Variants in SCN1A observed in about 807,000 individuals in gnomAD.
SCN1A encodes the protein sodium voltage-gated channel alpha subunit 1, also known as sodium channel protein type 1 subunit alpha.
A neutral mutation model predicts 193.7 loss-of-function variants in SCN1A; 13 were observed. The ratio of observed to expected loss-of-function variants is 0.07; its 90% CI spans 0.04 to 0.11. SCN1A has a LOEUF of 0.11. Among genes scored for constraint, SCN1A ranks in the 10% least tolerant of loss-of-function variants. SCN1A has a pLI of 1.00. For synonymous variants in SCN1A, 781 were observed against 843.6 expected, an observed-to-expected ratio of 0.93 and a Z score of 1.29; for missense variants, 1,432 against 2,451.1, an observed-to-expected ratio of 0.58 and a Z score of 8.78.
chr2:166,000,950 C>G (rs523119), intron 24 of SCN1A, among the ~76,000 whole-genome samples: 39,724 of 149,984 alleles, frequency 0.26, 5,575 homozygotes, highest in Middle Eastern at 0.48. Flanking sequence ...AGGACCATCA[C>G]TGTATTTTCA....
At chr2:166,047,204 AG>A (rs1697948498) in intron 11 of SCN1A, among the ~76,000 whole-genome samples, 1 of 152,174 alleles carries the variant, frequency 6.6e-6, no homozygotes, top group Non-Finnish European at 1.5e-5. Flanking sequence ...GTATTCACCA[AG>A]AATGAAACAG....
At chr2:166,093,240 A>C (rs113678764) in intron 2 of SCN1A, among the ~76,000 whole-genome samples, 177 of 152,088 alleles carry the variant, frequency 1.2e-3, no homozygotes, top group African/African-American at 4.1e-3. Context: ...ATTCAGAAAG[A>C]ATGTAGGCTG....
At chr2:165,994,504 A>G in intron 27 of SCN1A, 88 bp from the exon 28 acceptor site, 4 of 1,282,656 alleles carry the variant, frequency 3.1e-6, no homozygotes, top group Non-Finnish European at 4.5e-6. Context: ...TTGACTTTCT[A>G]GTTTCTTGCA....
At chr2:166,089,626 T>C (rs1019171737) in intron 2 of SCN1A, among the ~76,000 whole-genome samples, 1 of 152,052 alleles carries the variant, frequency 6.6e-6, no homozygotes. Context: ...AGAATACATA[T>C]GGATGAATTA....
rs150055072 is a variant in SCN1A at position 166,134,184 on chromosome 2, A to G, written c.-50+14863T>C. Among the ~76,000 whole-genome samples, 266 of 152,310 alleles carry G rather than the reference A, an allele frequency of 1.7e-3. 1 individual carries two copies. The highest frequency in any genetic ancestry group is 5.9e-3 in the African/African-American group (245 of 41,570). ...AATTGTGGAGCTGGAAAAGTCTCAG[A>G]GATAAACCAGGCAAGTGTTCTTATT... is the stretch of plus-strand genomic sequence containing the variant. On this transcript the variant is annotated intron_variant, in intron 1 of 26. Transcript: ENST00000635750.
At chr2:166,115,161 C>T (rs578011135) in intron 2 of SCN1A, among the ~76,000 whole-genome samples, 1 of 152,172 alleles carries the variant, frequency 6.6e-6, no homozygotes, top group South Asian at 2.1e-4. Context: ...AGTTCAAGAC[C>T]AGCCTGGTCA....
intron 5 of SCN1A, among the ~76,000 whole-genome samples, chr2:166,057,870 A>C (rs530077299): frequency 1.4e-4 from 21 of 152,176 alleles, no homozygotes; most frequent in Non-Finnish European, 2.5e-4. Context: ...TTAGTCGTGG[A>C]GTCCTTTTTA....
At chr2:166,120,599 T>C (rs1346598735) in intron 2 of SCN1A, among the ~76,000 whole-genome samples, 27 of 47,312 alleles carry the variant, frequency 5.7e-4, no homozygotes, top group Admixed American at 3.0e-3. Flanking sequence ...CTTTTCTCTT[T>C]TTTTTTTTTT....
intron 4 of SCN1A, among the ~76,000 whole-genome samples, chr2:166,066,877 A>G (rs1574338502): frequency 6.6e-6 from 1 of 152,180 alleles, no homozygotes; most frequent in Non-Finnish European, 1.5e-5. Context: ...TGCTTTGAAG[A>G]TAACCTTCAA....
intron 19 of SCN1A, among the ~76,000 whole-genome samples, chr2:166,018,264 C>T (rs1693580546): frequency 6.6e-6 from 1 of 151,820 alleles, no homozygotes; most frequent in South Asian, 2.1e-4. Context: ...TTTTATTCTG[C>T]CTTTAAGTGA....
intron 17 of SCN1A, 140 bp downstream of exon 17, chr2:166,039,283 A>G (rs935547307): frequency 6.1e-6 from 5 of 816,972 alleles, no homozygotes; most frequent in East Asian, 2.7e-5. Flanking sequence ...CCATGTAGGA[A>G]AAGTTTTTGA....
In SCN1A at chr2:166,103,106, G is replaced by A. The variant is rs558023045; in HGVS notation, c.-142+23818C>T. On this transcript the variant is annotated intron_variant, in intron 2 of 28. Transcript: ENST00000674923. ...ATATATGACGGTTTCTGTTCTAGAGGAGCAGACAGTCTGTTAGGCCAGACA... is the reference window on the plus strand; with the variant it reads ...ATATATGACGGTTTCTGTTCTAGAGAAGCAGACAGTCTGTTAGGCCAGACA... Among the ~76,000 whole-genome samples the A allele has an allele frequency of 3.7e-4, 56 of 151,838 alleles. 1 individual carries two copies. Among genetic ancestry groups the A allele is most frequent in the Admixed American group, 1.2e-3 (19 of 15,224 alleles).
intron 2 of SCN1A, among the ~76,000 whole-genome samples, chr2:166,093,576 C>T (rs1394470113): frequency 6.6e-6 from 1 of 152,134 alleles, no homozygotes; most frequent in Non-Finnish European, 1.5e-5. Flanking sequence ...ACCTCCTGAC[C>T]TCACGATCCA....
chr2:166,009,207 C>T (rs1168489037), intron 23 of SCN1A, among the ~76,000 whole-genome samples: 1 of 151,040 alleles, frequency 6.6e-6, no homozygotes, highest in Non-Finnish European at 1.5e-5. Context: ...ATCTAACCAT[C>T]TAATCTTGAA....
chr2:166,004,080 C>T (rs370669421), intron 23 of SCN1A, among the ~76,000 whole-genome samples: 9 of 151,376 alleles, frequency 5.9e-5, no homozygotes, highest in South Asian at 2.1e-4. Context: ...ATGATGTGGC[C>T]GATGCAACTA....
intron 20 of SCN1A, among the ~76,000 whole-genome samples, chr2:166,014,844 A>T (rs1693063211): frequency 1.3e-5 from 2 of 151,816 alleles, no homozygotes; most frequent in African/African-American, 4.8e-5. Flanking sequence ...AATGTATATT[A>T]TCGGGTAAAT....
At chr2:166,067,744 T>C (rs1683999230) in intron 4 of SCN1A, among the ~76,000 whole-genome samples, 1 of 143,034 alleles carries the variant, frequency 7.0e-6, no homozygotes, top group Non-Finnish European at 1.5e-5. Flanking sequence ...TTTCTAACAG[T>C]TCCTCTTCTC....
intron 19 of SCN1A, among the ~76,000 whole-genome samples, chr2:166,022,718 A>G (rs561278331): frequency 1.0e-3 from 154 of 152,352 alleles, no homozygotes; most frequent in African/African-American, 3.1e-3. Flanking sequence ...ACACCGAATC[A>G]TTTTAGAAAA....
At chr2:166,077,142 C>A (rs2106000626) in intron 3 of SCN1A, 1 of 151,760 alleles carries the variant, frequency 6.6e-6, no homozygotes, top group East Asian at 1.9e-4. Context: ...CATTTTGGAA[C>A]CAGAACTCAG....
Sources: allele counts gnomAD v4.1 joint callset (sites outside exome capture counted in the v4.1 genomes callset), GRCh38; gene constraint gnomAD v4.1.1; transcripts MANE v1.5; gene names NCBI Gene and HGNC (gene_info 2026-07-23, HGNC 2026-07-21).